WDR72: variants seen among roughly 807,000 people sequenced by gnomAD.
WDR72 encodes WD repeat domain 72.
A neutral mutation model predicts 124.2 loss-of-function variants in WDR72; 120 were observed. The observed-to-expected ratio is 0.97, with a 90% CI of 0.83 to 1.12. WDR72 has a LOEUF of 1.12. WDR72 is among the 50% of genes most tolerant of loss of function. WDR72 has a pLI of 0.00. For synonymous variants in WDR72, 452 were observed against 441.7 expected (o/e 1.02, Z -0.29); for missense variants, 1,387 against 1,278.8 (o/e 1.08, Z -1.29).
chr15:53,649,902 A>G, intron 14 of WDR72, among the ~76,000 whole-genome samples: 1 of 152,172 alleles, frequency 6.6e-6, no homozygotes, highest in African/African-American at 2.4e-5. Flanking sequence ...TCAAAAAATT[A>G]AAAATAGAAC....
chr15:53,757,838 T>C (rs1389629713), intron 1 of WDR72, among the ~76,000 whole-genome samples: 1 of 152,180 alleles, frequency 6.6e-6, no homozygotes, highest in Non-Finnish European at 1.5e-5. Flanking sequence ...TCCTTTAAGT[T>C]ATTTCACAAG....
chr15:53,586,493 T>C (rs1595776643), intron 18 of WDR72, among the ~76,000 whole-genome samples: 2 of 152,098 alleles, frequency 1.3e-5, no homozygotes, highest in East Asian at 1.9e-4. Context: ...CTCTTTCAAT[T>C]TACAGATTGG....
In WDR72 at chr15:53,515,321, A is replaced by C. The variant is rs767102554; in HGVS notation, c.*2378T>G. ...TTTTGAGTTTCTGGGTGTAGTACCA[A>C]GTGGTTATGATCACCACGTACGTGG... On this transcript the variant is annotated 3_prime_UTR_variant, in exon 20 of 20. Coordinates refer to ENST00000360509, the MANE Select transcript of WDR72 (RefSeq NM_182758.4). The C allele has an allele frequency of 6.6e-6, 1 of 152,108 alleles. No individual in the cohort carries two copies. The highest frequency in any genetic ancestry group is 1.9e-4 in the East Asian group (1 of 5,166). 9.4% of individuals were successfully genotyped at this position (152,108 alleles called of 1,614,324 possible). A position where few individuals can be genotyped will look rare whatever the true frequency, so the allele number is the denominator to read the frequency against.
intron 14 of WDR72, among the ~76,000 whole-genome samples, chr15:53,639,977 T>C (rs901394786): frequency 6.6e-6 from 1 of 152,204 alleles, no homozygotes; most frequent in African/African-American, 2.4e-5. Flanking sequence ...GTACAACATA[T>C]TAAATTTCAT....
intron 18 of WDR72, among the ~76,000 whole-genome samples, chr15:53,548,644 C>CTT (rs397947951): frequency 5.1e-4 from 69 of 135,304 alleles, no homozygotes; most frequent in African/African-American, 1.3e-3. Flanking sequence ...ATGAACTGTG[C>CTT]TTTTTTTTTT....
At chr15:53,728,946 G>A (rs1383184200) in intron 2 of WDR72, among the ~76,000 whole-genome samples, 1 of 152,132 alleles carries the variant, frequency 6.6e-6, no homozygotes, top group Non-Finnish European at 1.5e-5. Flanking sequence ...ACATGGTCAA[G>A]GAAAGACTGA....
At chr15:53,683,859 T>C (rs1254716149) in intron 13 of WDR72, among the ~76,000 whole-genome samples, 2 of 152,090 alleles carry the variant, frequency 1.3e-5, no homozygotes, top group African/African-American at 4.8e-5. Flanking sequence ...TCACTTATAC[T>C]TCCCAACTGT....
At chr15:53,728,840 C>G (rs2018118814) in intron 2 of WDR72, among the ~76,000 whole-genome samples, 1 of 152,126 alleles carries the variant, frequency 6.6e-6, no homozygotes, top group African/African-American at 2.4e-5. Context: ...AGACTTCGAA[C>G]TCAAAGGCAG....
At chr15:53,717,097 G>A (rs959434065) in intron 3 of WDR72, among the ~76,000 whole-genome samples, 14 of 152,034 alleles carry the variant, frequency 9.2e-5, no homozygotes, top group African/African-American at 2.9e-4. Flanking sequence ...TATCATTTTT[G>A]TAAAAACAAA....
chr15:53,632,078 G>A (rs1047791601), intron 14 of WDR72, among the ~76,000 whole-genome samples: 1 of 151,992 alleles, frequency 6.6e-6, no homozygotes, highest in Non-Finnish European at 1.5e-5. Context: ...AGACAATGAG[G>A]AGAAGTCTTC....
intron 18 of WDR72, among the ~76,000 whole-genome samples, chr15:53,529,784 C>T (rs1253056365): frequency 6.6e-6 from 1 of 151,946 alleles, no homozygotes; most frequent in Non-Finnish European, 1.5e-5. Flanking sequence ...TTTTGTCTTA[C>T]TCAAACCAGG....
chr15:53,534,563 T>G (rs1892649743), intron 18 of WDR72, among the ~76,000 whole-genome samples: 1 of 152,150 alleles, frequency 6.6e-6, no homozygotes. Flanking sequence ...CATTTTTGTT[T>G]CATTAGTTCA....
intron 1 of WDR72, among the ~76,000 whole-genome samples, chr15:53,740,562 C>T (rs1294341641): frequency 2.0e-5 from 3 of 152,166 alleles, no homozygotes; most frequent in East Asian, 1.9e-4. Context: ...TCCCAAAGTG[C>T]TGGGATTACA....
chr15:53,517,881 G>A, intron 19 of WDR72, 127 bp from the exon 20 acceptor site: 1 of 880,050 alleles, frequency 1.1e-6, no homozygotes, highest in Admixed American at 2.1e-5. Context: ...GGGAGAGAAT[G>A]AGGAAAAAAA....
At chr15:53,523,785 T>G (rs1011288689) in intron 18 of WDR72, among the ~76,000 whole-genome samples, 4 of 151,990 alleles carry the variant, frequency 2.6e-5, no homozygotes, top group African/African-American at 9.7e-5. Flanking sequence ...TCTCTTTCAT[T>G]AAATTAAAAA....
chr15:53,521,099 C>T (rs1465085967), intron 19 of WDR72, among the ~76,000 whole-genome samples: 2 of 151,914 alleles, frequency 1.3e-5, no homozygotes, highest in Admixed American at 1.3e-4. Flanking sequence ...TCTGACATGA[C>T]AAGTGACTAA....
At chr15:53,671,929 GAA>G (rs1239756742) in intron 13 of WDR72, among the ~76,000 whole-genome samples, 1 of 151,008 alleles carries the variant, frequency 6.6e-6, no homozygotes, top group Non-Finnish European at 1.5e-5. Flanking sequence ...AAGGGGAAGA[GAA>G]AAGAGAAAAA....
chr15:53,680,298 C>G (rs1276850856), intron 13 of WDR72, among the ~76,000 whole-genome samples: 1 of 152,096 alleles, frequency 6.6e-6, no homozygotes, highest in East Asian at 1.9e-4. Context: ...TCTATGCCCT[C>G]TATGATTAGA....
intron 13 of WDR72, among the ~76,000 whole-genome samples, chr15:53,668,269 T>C (rs2015847574): frequency 6.6e-6 from 1 of 152,202 alleles, no homozygotes; most frequent in East Asian, 1.9e-4. Flanking sequence ...GAAGAACTGA[T>C]TAAGGCATAC....
Sources: gnomAD v4.1 joint callset for allele counts (sites outside exome capture counted in the v4.1 genomes callset) on GRCh38, gnomAD v4.1.1 for gene constraint, MANE v1.5 for transcripts, NCBI Gene and HGNC (gene_info 2026-07-23, HGNC 2026-07-21) for gene names.